The following FAM186A variants were observed in gnomAD, a reference collection of about 807,000 sequenced individuals.
FAM186A encodes family with sequence similarity 186 member A, also known as protein FAM186A.
In FAM186A, 163 loss-of-function variants were observed where a neutral mutation model predicts 216.8. The observed-to-expected ratio is 0.75, with a 90% CI of 0.66 to 0.86. The LOEUF (loss-of-function observed/expected upper bound fraction) is 0.86, where lower values mean the gene tolerates loss of function less well. Ranked by LOEUF, FAM186A falls within the 40% of genes least tolerant of loss-of-function variation. The probability of loss-of-function intolerance (pLI) is 0.00; values close to 1 mark genes in which losing one functional copy is unlikely to be tolerated. For missense variants in FAM186A, 2,184 were observed against 2,746.2 expected (o/e 0.80, Z 4.58); for synonymous variants, 805 against 1,025.3 (o/e 0.79, Z 4.10).
rs187462790 is a variant in FAM186A at position 50,333,719 on chromosome 12, C to T, written c.6696+192G>A. Among the ~76,000 whole-genome samples, 214 of 152,260 alleles carry T rather than the reference C, an allele frequency of 1.4e-3. 1 individual carries two copies. Among genetic ancestry groups the T allele is most frequent in the Admixed American group, 3.1e-3 (47 of 15,288 alleles). On this transcript the variant is annotated intron_variant, in intron 5 of 7. Coordinates refer to ENST00000327337, the MANE Select transcript of FAM186A (RefSeq NM_001145475.3). ...ACCAACCTGGCAGACACCCTGATTT[C>T]ACTAACTTCTGGCCTCTAGAACTGT...
intron 1 of FAM186A, among the ~76,000 whole-genome samples, chr12:50,393,491 G>A (rs1330389890): frequency 6.6e-6 from 1 of 150,840 alleles, no homozygotes; most frequent in African/African-American, 2.4e-5. Flanking sequence ...GCAGTGATCC[G>A]AGGTGGTGCC....
intron 1 of FAM186A, among the ~76,000 whole-genome samples, chr12:50,393,900 T>G (rs1234777037): frequency 6.6e-6 from 1 of 151,866 alleles, no homozygotes; most frequent in Non-Finnish European, 1.5e-5. Flanking sequence ...GTGTGAGGAG[T>G]GGGAATTTAT....
chr12:50,342,108 T>C (rs564220691), intron 4 of FAM186A, among the ~76,000 whole-genome samples: 3 of 151,566 alleles, frequency 2.0e-5, no homozygotes, highest in South Asian at 4.2e-4. Context: ...TAATAAAATA[T>C]AGTGATTCTA....
intron 7 of FAM186A, 118 bp from the exon 8 acceptor site, chr12:50,327,522 T>TA: frequency 1.5e-6 from 1 of 658,624 alleles, no homozygotes; most frequent in Non-Finnish European, 2.6e-6. Flanking sequence ...GATAAACTAG[T>TA]AAAATCTGTA....
chr12:50,386,219 A>C (rs1259007188), intron 1 of FAM186A, among the ~76,000 whole-genome samples: 1 of 151,912 alleles, frequency 6.6e-6, no homozygotes, highest in Non-Finnish European at 1.5e-5. Flanking sequence ...ACCTGAGGTC[A>C]GGAGATCGAG....
chr12:50,335,601 G>A (rs530829228), intron 4 of FAM186A, among the ~76,000 whole-genome samples: 1 of 150,766 alleles, frequency 6.6e-6, no homozygotes, highest in East Asian at 2.0e-4. Flanking sequence ...CCGAGATCGT[G>A]CCACTGCACT....
intron 1 of FAM186A, among the ~76,000 whole-genome samples, chr12:50,382,405 A>T (rs998398045): frequency 2.0e-5 from 3 of 151,810 alleles, no homozygotes; most frequent in African/African-American, 7.3e-5. Context: ...ATTAATTAAA[A>T]ATATATATAT....
Position 50,352,081 on chromosome 12 carries a change from G to A in FAM186A, c.4751C>T (p.Ala1584Val), listed in dbSNP as rs572505077. 8.3e-5 allele frequency: 127 copies of A among 1,537,006 alleles called. 4 individuals carry two copies. The African/African-American group carries it at 1.2e-3, about 15-fold the overall frequency. ...ALGIPLTPQQ[A>V]QELGIPLTPQ... is the part of the protein sequence containing the mutation. ...GGTGAGAGGGATCCCCAGTTCCTGC[G>A]CCTGCTGAGGGGTGAGAGGGATCCC... Residue 1584 changes from alanine (A) to valine (V), a missense_variant, in exon 4 of 8, where the codon GCG becomes GTG. Ala to Val is a moderately conservative substitution (Grantham distance 64). Around this residue, in one of 7 missense-constraint regions of FAM186A, gnomAD observed 16 missense variants for 91.3 expected, o/e 0.18. Coordinates refer to ENST00000327337, the MANE Select transcript of FAM186A (RefSeq NM_001145475.3).
At chr12:50,331,920 CT>C in intron 5 of FAM186A, 99 bp from the exon 6 acceptor site, 1 of 1,033,708 alleles carries the variant, frequency 9.7e-7, no homozygotes, top group Non-Finnish European at 1.3e-6. Context: ...GTGACTCCTC[CT>C]TTTCCATGGA....
intron 1 of FAM186A, among the ~76,000 whole-genome samples, chr12:50,391,885 A>G (rs1048922436): frequency 6.6e-6 from 1 of 152,200 alleles, no homozygotes; most frequent in Non-Finnish European, 1.5e-5. Context: ...TGGTACATGA[A>G]TGTTTATAGC....
In FAM186A at chr12:50,334,132, A is replaced by G. The variant is rs1002155355; in HGVS notation, c.6504-29T>C. 3.3e-6 allele frequency: 5 copies of G among 1,492,554 alleles called. No individual in the cohort carries two copies. The African/African-American group carries it at 5.7e-5, about 17-fold the overall frequency. The allele number at this position is 1,492,554 out of a possible 1,614,324, so 92.5% of individuals were successfully genotyped here. A position where few individuals can be genotyped will look rare whatever the true frequency, so the allele number is the denominator to read the frequency against. ...GAAAAGATTAATAAAAATTAGAGCGATAATAGTTGCAGACCCTACTTCAAC... is the reference window on the plus strand; with the variant it reads ...GAAAAGATTAATAAAAATTAGAGCGGTAATAGTTGCAGACCCTACTTCAAC... On this transcript the variant is annotated intron_variant, in intron 4 of 7. Coordinates refer to ENST00000327337, the MANE Select transcript of FAM186A (RefSeq NM_001145475.3).
Position 50,350,705 on chromosome 12 carries a change from G to C in FAM186A, c.6127C>G (p.Pro2043Ala). ...GTGAGAGAAGATGGTGATGTTGTTG[G>C]CTTCATGAGAGTGAGAAGGGCCCTT... Reference protein sequence around the residue: ...DERALLTLMKPTTSPSSLTTL... With the variant: ...DERALLTLMKATTSPSSLTTL... Residue 2043 changes from proline (P) to alanine (A), a missense_variant, in exon 4 of 8, where the codon CCA becomes GCA. Pro to Ala is a conservative substitution (Grantham distance 27, BLOSUM62 -1). This residue lies in a region of FAM186A where 721 missense variants were observed against 816.4 expected (regional missense o/e 0.88). Coordinates refer to ENST00000327337, the MANE Select transcript of FAM186A (RefSeq NM_001145475.3). The C allele has an allele frequency of 6.4e-7, 1 of 1,551,612 alleles. No individual in the cohort carries two copies. Among genetic ancestry groups the C allele is most frequent in the Non-Finnish European group, 8.7e-7 (1 of 1,146,968 alleles).
intron 1 of FAM186A, 92 bp from the exon 2 acceptor site, chr12:50,363,456 T>A: frequency 1.9e-6 from 2 of 1,071,898 alleles, no homozygotes; most frequent in Non-Finnish European, 2.6e-6. Flanking sequence ...ACAGTTAATT[T>A]AAAGCTATCC....
Position 50,353,863 on chromosome 12 carries a change from A to G in FAM186A, c.2969T>C (p.Met990Thr), listed in dbSNP as rs1280484882. 4 of 1,551,468 alleles carry G rather than the reference A, an allele frequency of 2.6e-6. No individual in the cohort carries two copies. The highest frequency in any genetic ancestry group is 3.5e-6 in the Non-Finnish European group (4 of 1,146,956). Residue 990 changes from methionine to threonine, a missense_variant, in exon 4 of 8, where the codon ATG (methionine) becomes ACG (threonine). Coordinates refer to ENST00000327337, the MANE Select transcript of FAM186A (RefSeq NM_001145475.3). Reference sequence around the variant, plus strand: ...TAGCTCTTTAGGTTGTGTTTCCTTCATCTGCATCTGATCCTTTGTTTTGAT... The same window carrying G: ...TAGCTCTTTAGGTTGTGTTTCCTTCGTCTGCATCTGATCCTTTGTTTTGAT... ...RQIKTKDQMQ[M>T]KETQPKELEK...
intron 1 of FAM186A, among the ~76,000 whole-genome samples, chr12:50,395,255 A>AT (rs1178185375): frequency 6.6e-6 from 1 of 151,606 alleles, no homozygotes; most frequent in Non-Finnish European, 1.5e-5. Flanking sequence ...TGCCTGGCTA[A>AT]TTTTTTTATT....
chr12:50,388,997 G>A (rs745988471), intron 1 of FAM186A, among the ~76,000 whole-genome samples: 1 of 151,958 alleles, frequency 6.6e-6, no homozygotes, highest in Non-Finnish European at 1.5e-5. Context: ...GTAGGTTGCA[G>A]TGACACGAGA....
intron 1 of FAM186A, among the ~76,000 whole-genome samples, chr12:50,367,438 A>G (rs909343578): frequency 6.7e-6 from 1 of 149,630 alleles, no homozygotes; most frequent in Non-Finnish European, 1.5e-5. Context: ...GAATGGCGTG[A>G]ACCTGGGAGG....
chr12:50,365,311 G>A (rs536105726), intron 1 of FAM186A, among the ~76,000 whole-genome samples: 4 of 151,994 alleles, frequency 2.6e-5, no homozygotes, highest in African/African-American at 7.2e-5. Flanking sequence ...TGCAAGCCTC[G>A]GTCTACTTCT....
chr12:50,363,499 T>A, intron 1 of FAM186A, 135 bp from the exon 2 acceptor site: 1 of 794,786 alleles, frequency 1.3e-6, no homozygotes, highest in Non-Finnish European at 1.9e-6. Flanking sequence ...GCTTTTATTG[T>A]GAGTCTCAAA....
Sources: allele counts gnomAD v4.1 joint callset (sites outside exome capture counted in the v4.1 genomes callset), GRCh38; gene constraint gnomAD v4.1.1; regional missense constraint gnomAD v4.1.1; transcripts MANE v1.5; gene names NCBI Gene and HGNC (gene_info 2026-07-23, HGNC 2026-07-21).